STPG2: variants seen among roughly 807,000 people sequenced by gnomAD.
The protein encoded by STPG2 is sperm tail PG-rich repeat containing 2.
A neutral mutation model predicts 54.2 loss-of-function variants in STPG2; 56 were observed. The observed-to-expected ratio is 1.03, with a 90% CI of 0.83 to 1.29. The LOEUF (loss-of-function observed/expected upper bound fraction) is 1.29. Among genes scored for constraint, STPG2 ranks in the 50% most tolerant of loss-of-function variants. STPG2 has a pLI of 0.00. For missense variants in STPG2, 596 were observed against 544.9 expected (o/e 1.09, Z -0.93); for synonymous variants, 200 against 181.8 (o/e 1.10, Z -0.81).
chr4:97,609,699 A>G lies in STPG2; in HGVS notation c.1321-50582T>C, dbSNP rs183459428. Reference sequence around the variant, plus strand: ...TCTAATAAAATTACTTATAATTTCCATATATTTCGAAATTAAAATTAAATT... The same window carrying G: ...TCTAATAAAATTACTTATAATTTCCGTATATTTCGAAATTAAAATTAAATT... On this transcript the variant is annotated intron_variant, in intron 10 of 10. Coordinates refer to ENST00000295268, the MANE Select transcript of STPG2 (RefSeq NM_174952.3). 1.2e-3 allele frequency among the ~76,000 whole-genome samples: 188 copies of G among 152,100 alleles called. 3 individuals carry two copies. Among genetic ancestry groups the G allele is most frequent in the East Asian group, 0.012 (63 of 5,160 alleles).
intron 9 of STPG2, among the ~76,000 whole-genome samples, chr4:97,807,612 A>T (rs1727610542): frequency 6.6e-6 from 1 of 152,018 alleles, no homozygotes; most frequent in Admixed American, 6.6e-5. Flanking sequence ...AAAATACCAA[A>T]ATGAAACATG....
chr4:98,082,940 A>G (rs997760132), intron 5 of STPG2, among the ~76,000 whole-genome samples: 1 of 152,086 alleles, frequency 6.6e-6, no homozygotes, highest in Admixed American at 6.6e-5. Flanking sequence ...TATTGCCACT[A>G]TTGCCATAAT....
At chr4:97,561,135 T>C (rs1478747964) in intron 10 of STPG2, among the ~76,000 whole-genome samples, 1 of 152,094 alleles carries the variant, frequency 6.6e-6, no homozygotes, top group Non-Finnish European at 1.5e-5. Flanking sequence ...TTTTTAATGA[T>C]TGCCATTCTA....
chr4:98,014,908 C>T (rs1376135153), intron 5 of STPG2, among the ~76,000 whole-genome samples: 1 of 151,864 alleles, frequency 6.6e-6, no homozygotes, highest in African/African-American at 2.4e-5. Context: ...TTTTTTCTTT[C>T]AGCATTTAAA....
chr4:97,496,414 C>T (rs1730612565), intron 4 of STPG2, among the ~76,000 whole-genome samples: 1 of 151,658 alleles, frequency 6.6e-6, no homozygotes, highest in African/African-American at 2.4e-5. Flanking sequence ...CTCAAAATTA[C>T]ACAGCATGCA....
chr4:97,894,943 C>T (rs998497551), intron 8 of STPG2, among the ~76,000 whole-genome samples: 1 of 151,910 alleles, frequency 6.6e-6, no homozygotes, highest in Non-Finnish European at 1.5e-5. Flanking sequence ...TGATCTATCA[C>T]TTGCAGTCTC....
intron 9 of STPG2, among the ~76,000 whole-genome samples, chr4:97,726,492 T>C (rs555667777): frequency 2.4e-4 from 36 of 151,998 alleles, no homozygotes; most frequent in Non-Finnish European, 4.6e-4. Context: ...CAGATAACTG[T>C]GTAAGAAAGT....
intron 8 of STPG2, among the ~76,000 whole-genome samples, chr4:97,861,182 T>A (rs1423521636): frequency 3.3e-5 from 5 of 151,874 alleles, no homozygotes; most frequent in Non-Finnish European, 7.4e-5. Flanking sequence ...TGGGCAAAAA[T>A]TTGAATAGGA....
chr4:97,473,304 C>T (rs1013366515), intron 4 of STPG2, among the ~76,000 whole-genome samples: 12 of 152,104 alleles, frequency 7.9e-5, no homozygotes, highest in African/African-American at 2.4e-4. Context: ...GGAGAAATAT[C>T]GCTGAATTCT....
intron 9 of STPG2, among the ~76,000 whole-genome samples, chr4:97,803,465 TG>T (rs1727458361): frequency 6.6e-6 from 1 of 151,888 alleles, no homozygotes; most frequent in South Asian, 2.1e-4. Flanking sequence ...GAGGTGGAGG[TG>T]GGGGAGGATC....
At chr4:97,607,171 G>A (rs1253281094) in intron 10 of STPG2, among the ~76,000 whole-genome samples, 1 of 151,948 alleles carries the variant, frequency 6.6e-6, no homozygotes, top group African/African-American at 2.4e-5. Flanking sequence ...AATAATAGCA[G>A]CAGCCACAAT....
intron 9 of STPG2, among the ~76,000 whole-genome samples, chr4:97,735,989 G>A (rs1724974226): frequency 6.6e-6 from 1 of 152,124 alleles, no homozygotes; most frequent in Non-Finnish European, 1.5e-5. Flanking sequence ...AAACCACAAT[G>A]AAATATCACT....
chr4:97,594,918 T>A (rs1300069596), intron 10 of STPG2, among the ~76,000 whole-genome samples: 1 of 152,132 alleles, frequency 6.6e-6, no homozygotes, highest in African/African-American at 2.4e-5. Context: ...TCACACCAGT[T>A]AGAATGGCGA....
intron 4 of STPG2, among the ~76,000 whole-genome samples, chr4:97,501,621 G>A (rs781218143): frequency 1.2e-4 from 18 of 151,832 alleles, no homozygotes; most frequent in Non-Finnish European, 1.9e-4. Context: ...CTTGAGCCCA[G>A]GAGGTCAAGG....
intron 9 of STPG2, among the ~76,000 whole-genome samples, chr4:97,799,361 C>A (rs1727303901): frequency 6.6e-6 from 1 of 152,116 alleles, no homozygotes; most frequent in Non-Finnish European, 1.5e-5. Context: ...TTCAGGAGCT[C>A]TTGTAGGACA....
At chr4:97,666,122 G>T (rs1722515770) in intron 10 of STPG2, among the ~76,000 whole-genome samples, 1 of 152,108 alleles carries the variant, frequency 6.6e-6, no homozygotes, top group African/African-American at 2.4e-5. Flanking sequence ...GGAATGCCCA[G>T]ATCCACAGCC....
intron 8 of STPG2, among the ~76,000 whole-genome samples, chr4:97,938,639 T>C (rs1316330907): frequency 6.6e-6 from 1 of 152,158 alleles, no homozygotes; most frequent in Non-Finnish European, 1.5e-5. Flanking sequence ...CACAGATCTG[T>C]GGAAAAAGCA....
chr4:97,845,717 A>G (rs1578615701), intron 8 of STPG2, among the ~76,000 whole-genome samples: 1 of 152,218 alleles, frequency 6.6e-6, no homozygotes, highest in South Asian at 2.1e-4. Context: ...CTCTGCATTA[A>G]ATTTCAGAAA....
chr4:97,988,549 T>C (rs1241838349), intron 5 of STPG2, among the ~76,000 whole-genome samples: 1 of 152,198 alleles, frequency 6.6e-6, no homozygotes, highest in Non-Finnish European at 1.5e-5. Context: ...ATGAATTTGA[T>C]GATGGGTTCC....
Sources: allele counts gnomAD v4.1 joint callset (sites outside exome capture counted in the v4.1 genomes callset), GRCh38; gene constraint gnomAD v4.1.1; transcripts MANE v1.5; gene names NCBI Gene and HGNC (gene_info 2026-07-23, HGNC 2026-07-21).